The following PTPRD variants were observed in gnomAD, a reference collection of about 807,000 sequenced individuals.
PTPRD encodes protein tyrosine phosphatase receptor type D.
A neutral mutation model predicts 214.5 loss-of-function variants in PTPRD; 34 were observed. The ratio of observed to expected loss-of-function variants is 0.16; its 90% confidence interval spans 0.12 to 0.21. The LOEUF is 0.21. Ranked by LOEUF, PTPRD falls within the 10% of genes least tolerant of loss-of-function variation. The probability of loss-of-function intolerance (pLI) is 1.00; values close to 1 mark genes in which losing one functional copy is unlikely to be tolerated. For missense variants in PTPRD, 2,545 were observed against 2,398.7 expected (o/e 1.06, Z -1.27); for synonymous variants, 1,128 against 845.7 (o/e 1.33, Z -5.79).
intron 2 of PTPRD, among the ~76,000 whole-genome samples, chr9:10,396,845 C>T (rs1344928621): frequency 6.6e-6 from 1 of 151,940 alleles, no homozygotes; most frequent in African/African-American, 2.4e-5. Context: ...AGTGGGGAGG[C>T]AGGCATAGAT....
chr9:8,788,687 G>C (rs998446440), intron 11 of PTPRD, among the ~76,000 whole-genome samples: 2 of 152,110 alleles, frequency 1.3e-5, no homozygotes, highest in Admixed American at 6.5e-5. Flanking sequence ...CTTATCATTC[G>C]AATCAGCCAT....
At chr9:10,548,974 G>A (rs1353363678) in intron 2 of PTPRD, among the ~76,000 whole-genome samples, 1 of 152,168 alleles carries the variant, frequency 6.6e-6, no homozygotes, top group Non-Finnish European at 1.5e-5. Context: ...AAAATTGCAT[G>A]TGTCTGCTTT....
intron 3 of PTPRD, among the ~76,000 whole-genome samples, chr9:10,093,186 T>C (rs1439453432): frequency 1.3e-5 from 2 of 151,418 alleles, no homozygotes; most frequent in Middle Eastern, 3.2e-3. Flanking sequence ...AGAGAAAATA[T>C]AAGCAAACTA....
At chr9:10,063,820 G>A (rs2097825185) in intron 3 of PTPRD, among the ~76,000 whole-genome samples, 1 of 151,970 alleles carries the variant, frequency 6.6e-6, no homozygotes, top group Non-Finnish European at 1.5e-5. Context: ...GCAGGTAGCA[G>A]TACTGGGGAA....
chr9:9,827,026 A>G (rs565181401), intron 5 of PTPRD, among the ~76,000 whole-genome samples: 1 of 152,302 alleles, frequency 6.6e-6, no homozygotes, highest in African/African-American at 2.4e-5. Context: ...ATGGAAGAAC[A>G]TTCCATGCTC....
At chr9:8,513,241 T>G (rs1325112783) in intron 21 of PTPRD, among the ~76,000 whole-genome samples, 1 of 152,062 alleles carries the variant, frequency 6.6e-6, no homozygotes, top group Admixed American at 6.5e-5. Flanking sequence ...ACTGTACTAA[T>G]GTTCACAATC....
intron 3 of PTPRD, among the ~76,000 whole-genome samples, chr9:10,293,948 C>T (rs969590981): frequency 6.6e-6 from 1 of 151,904 alleles, no homozygotes; most frequent in African/African-American, 2.4e-5. Flanking sequence ...CAGTAATATG[C>T]CTTCTGCAAA....
At chr9:9,635,157 T>C (rs1015128265) in intron 7 of PTPRD, among the ~76,000 whole-genome samples, 8 of 152,188 alleles carry the variant, frequency 5.3e-5, no homozygotes, top group Non-Finnish European at 1.0e-4. Flanking sequence ...GGAATAAGCC[T>C]ATAAAGCTTC....
intron 10 of PTPRD, among the ~76,000 whole-genome samples, chr9:9,178,543 CA>C (rs1483303529): frequency 6.6e-6 from 1 of 152,046 alleles, no homozygotes; most frequent in Non-Finnish European, 1.5e-5. Flanking sequence ...GGGGTCTTTA[CA>C]GCCTATTTTA....
chr9:9,208,696 G>A (rs890617069), intron 9 of PTPRD, among the ~76,000 whole-genome samples: 2 of 151,922 alleles, frequency 1.3e-5, no homozygotes, highest in East Asian at 3.9e-4. Context: ...AAGAAGATAC[G>A]ATAAAATTGG....
rs148835086 is a variant in PTPRD, at chr9:10,278,984, C to T, written c.-545+61979G>A. On this transcript the variant is annotated intron_variant, in intron 3 of 45. Coordinates refer to ENST00000381196, the MANE Select transcript of PTPRD (RefSeq NM_002839.4). ...AGAGACGGGGCTTCACCGTGTTAGC[C>T]AGGATGATCTCGATCTCCTGGCCTC... Among the ~76,000 whole-genome samples the T allele has an allele frequency of 5.7e-3, 866 of 152,176 alleles. 6 individuals are homozygous for T. The highest frequency in any genetic ancestry group is 9.2e-3 in the Non-Finnish European group (628 of 68,012).
At chr9:9,355,940 A>G (rs749732242) in intron 9 of PTPRD, among the ~76,000 whole-genome samples, 1 of 151,472 alleles carries the variant, frequency 6.6e-6, no homozygotes, top group Non-Finnish European at 1.5e-5. Flanking sequence ...GGAAGGAGTG[A>G]TAAACTGTGT....
At chr9:9,933,163 C>G (rs1198017400) in intron 5 of PTPRD, among the ~76,000 whole-genome samples, 4 of 152,228 alleles carry the variant, frequency 2.6e-5, no homozygotes, top group Non-Finnish European at 2.9e-5. Context: ...GAAGTAACTG[C>G]ATCAACTAAC....
intron 10 of PTPRD, among the ~76,000 whole-genome samples, chr9:9,109,338 G>T (rs1180036049): frequency 1.3e-5 from 2 of 152,154 alleles, no homozygotes; most frequent in East Asian, 3.9e-4. Context: ...GGGTGCTGAA[G>T]AATGGTCATG....
intron 4 of PTPRD, among the ~76,000 whole-genome samples, chr9:9,941,656 G>A (rs73643827): frequency 0.026 from 4,014 of 152,244 alleles, 196 homozygotes; most frequent in African/African-American, 0.092. Context: ...TTGTCACAAT[G>A]TAAGGAAAGG....
chr9:8,674,762 G>T (rs1009389313), intron 12 of PTPRD, among the ~76,000 whole-genome samples: 2 of 152,126 alleles, frequency 1.3e-5, no homozygotes, highest in African/African-American at 4.8e-5. Context: ...GGAAAAAAAT[G>T]CTTCTCATTT....
At chr9:8,401,894 C>T (rs1012032880) in intron 36 of PTPRD, among the ~76,000 whole-genome samples, 10 of 152,036 alleles carry the variant, frequency 6.6e-5, no homozygotes, top group African/African-American at 2.4e-4. Context: ...TTGGTTGGAA[C>T]ACAAAACAAG....
In PTPRD at chr9:8,677,415, G is replaced by A. The variant is rs143165583; in HGVS notation, c.65-40571C>T. On this transcript the variant is annotated intron_variant, in intron 12 of 45. Transcript: ENST00000381196. ...GCCATTATCCCAAGTGAACTAACAC[G>A]CAGGAATGGAAAACCAAACACCTCA... Among the ~76,000 whole-genome samples, 13 of 152,200 alleles carry A rather than the reference G, an allele frequency of 8.5e-5. No individual in the cohort carries two copies. The East Asian group carries it at 1.9e-3, about 23-fold the overall frequency.
intron 11 of PTPRD, among the ~76,000 whole-genome samples, chr9:8,745,277 T>C (rs1010032322): frequency 1.3e-5 from 2 of 152,240 alleles, no homozygotes; most frequent in African/African-American, 4.8e-5. Context: ...CTTTCTTCTA[T>C]AGCATGGTGT....
Sources: allele counts gnomAD v4.1 joint callset (sites outside exome capture counted in the v4.1 genomes callset), GRCh38; gene constraint gnomAD v4.1.1; transcripts MANE v1.5; gene names NCBI Gene and HGNC (gene_info 2026-07-23, HGNC 2026-07-21).